UGDH: variants seen among roughly 807,000 people sequenced by gnomAD.
UGDH encodes the protein UDP-glucose 6-dehydrogenase.
A neutral mutation model predicts 50.6 loss-of-function variants in UGDH; 38 were observed. The ratio of observed to expected loss-of-function variants is 0.75; its 90% confidence interval spans 0.58 to 0.98. The LOEUF (loss-of-function observed/expected upper bound fraction) is 0.98. Among genes scored for constraint, UGDH ranks in the 50% least tolerant of loss-of-function variants. The probability of loss-of-function intolerance (pLI) is 0.00; values close to 1 mark genes in which losing one functional copy is unlikely to be tolerated. For missense variants in UGDH, 465 were observed against 606.2 expected, an observed-to-expected ratio of 0.77 and a Z score of 2.45; for synonymous variants, 168 against 199.9, an observed-to-expected ratio of 0.84 and a Z score of 1.35.
chr4:39,510,725 A>C lies in UGDH; in HGVS notation c.401T>G (p.Val134Gly), dbSNP rs1439780087. 2 of 1,614,184 alleles carry C rather than the reference A, an allele frequency of 1.2e-6. No individual in the cohort carries two copies. Among genetic ancestry groups the C allele is most frequent in the East Asian group, 4.5e-5 (2 of 44,894 alleles). Residue 134 changes from valine (V) to glycine (G), a missense_variant, in exon 4 of 12, where the codon GTG becomes GGG. Coordinates refer to ENST00000316423, the MANE Select transcript of UGDH (RefSeq NM_003359.4). ...GCGACGGATACTTTCTGCTGCCCGC[A>C]CTGGAACTGTGCTTTTCTCAGTCAC... ...KIVTEKSTVP[V>G]RAAESIRRIF...
At chr4:39,503,810 C>A in intron 11 of UGDH, 65 bp downstream of exon 11, 1 of 1,391,552 alleles carries the variant, frequency 7.2e-7, no homozygotes, top group East Asian at 2.4e-5. Context: ...TTATAGTCCC[C>A]AGTTGTTGAA....
Position 39,507,157 on chromosome 4 carries a change from C to T in UGDH, c.906+1409G>A, listed in dbSNP as rs117379753. 1.1e-3 allele frequency among the ~76,000 whole-genome samples: 174 copies of T among 152,250 alleles called. 4 individuals carry two copies. In the East Asian group the frequency reaches 0.031, roughly 27 times the overall value. The stretch of plus-strand genomic sequence containing the variant: ...TACTTAATATCTCCATGTCAGTTCC[C>T]TCATCAAATAAAGAGGATAATGTTA... On this transcript the variant is annotated intron_variant, in intron 7 of 11. Transcript: ENST00000316423.
rs908236640 is a variant in UGDH, at chr4:39,510,948, G to C, written c.265-87C>G. The C allele has an allele frequency of 5.3e-6, 7 of 1,328,682 alleles. No homozygotes were observed. The African/African-American group carries it at 8.7e-5, about 16-fold the overall frequency. The allele number at this position is 1,328,682 out of a possible 1,614,324, so 82.3% of individuals were successfully genotyped here. ...CCTGAACTACTGGTTAAAGTGTGGA[G>C]TTAACAATCATCAGTAGCCCTGATT... On this transcript the variant is annotated intron_variant, in intron 3 of 11. Coordinates refer to ENST00000316423, the MANE Select transcript of UGDH (RefSeq NM_003359.4).
chr4:39,518,078 G>A (rs1206631873), intron 2 of UGDH, among the ~76,000 whole-genome samples: 1 of 151,922 alleles, frequency 6.6e-6, no homozygotes, highest in African/African-American at 2.4e-5. Context: ...ATAGGCATGT[G>A]CTACTACACC....
chr4:39,502,781 C>G (rs894341058), intron 11 of UGDH, among the ~76,000 whole-genome samples: 1 of 152,186 alleles, frequency 6.6e-6, no homozygotes, highest in Non-Finnish European at 1.5e-5. Flanking sequence ...GGGTCTTGCT[C>G]TGTCACCCAG....
Position 39,521,452 on chromosome 4 carries a change from T to C in UGDH, c.61A>G (p.Ser21Gly), listed in dbSNP as rs1746658028. ...GAGYVGGPTC[S>G]VIAHMCPEIR... The stretch of plus-strand genomic sequence containing the variant: ...TCAGGACACATATGAGCAATGACAC[T>C]ACATGTGGGTCCTCCAACATAGCCT... The change falls in exon 2 of 12, where the codon AGT becomes GGT. Residue 21 changes from serine to glycine, a missense_variant. Transcript: ENST00000316423. 3 of 1,612,940 alleles carry C rather than the reference T, an allele frequency of 1.9e-6. No homozygotes were observed. The highest frequency in any genetic ancestry group is 2.5e-6 in the Non-Finnish European group (3 of 1,179,458).
intron 2 of UGDH, among the ~76,000 whole-genome samples, chr4:39,515,687 A>T (rs1055040049): frequency 6.6e-6 from 1 of 152,170 alleles, no homozygotes; most frequent in Non-Finnish European, 1.5e-5. Flanking sequence ...GAACTGAACC[A>T]GCAAAATCTA....
Position 39,505,300 on chromosome 4 carries a change from T to C in UGDH, c.1108A>G (p.Lys370Glu), listed in dbSNP as rs1171698535. ...ACAACTATTTGTTCCCTAGGTACTT[T>C]TGGATCATATATATGTAGATGTGCA... ...EGAHLHIYDP[K>E]VPREQIVVDL... is the part of the protein sequence containing the mutation. Residue 370 changes from lysine (K) to glutamate (E), a missense_variant, in exon 9 of 12, where the codon AAA (lysine) becomes GAA (glutamate). Lys to Glu is a moderately conservative substitution (Grantham distance 56). Transcript: ENST00000316423. 5.6e-6 allele frequency: 9 copies of C among 1,604,600 alleles called. No individual in the cohort carries two copies. Among genetic ancestry groups the C allele is most frequent in the Middle Eastern group, 1.6e-4 (1 of 6,072 alleles).
chr4:39,503,969 C>G lies in UGDH; in HGVS notation c.1280G>C (p.Arg427Pro). 3 of 1,613,956 alleles carry G rather than the reference C, an allele frequency of 1.9e-6. No homozygotes were observed. Among genetic ancestry groups the G allele is most frequent in the Non-Finnish European group, 2.5e-6 (3 of 1,179,926 alleles). The change falls in exon 11 of 12, where the codon CGC becomes CCC. Residue 427 changes from arginine (R) to proline (P), a missense_variant. Arg to Pro is a moderately radical substitution (Grantham distance 103). Coordinates refer to ENST00000316423, the MANE Select transcript of UGDH (RefSeq NM_003359.4). ...WDMFKELDYERIHKKMLKPAF... is the reference protein window; with the variant it reads ...WDMFKELDYEPIHKKMLKPAF... ...TGGCTTTAGCATTTTTTTATGAATG[C>G]GTTCATAATCCAATTCCTGTAAAGA...
chr4:39,512,074 G>A (rs1746269381), intron 3 of UGDH, among the ~76,000 whole-genome samples: 1 of 151,688 alleles, frequency 6.6e-6, no homozygotes, highest in African/African-American at 2.4e-5. Context: ...TTTAGTTTTG[G>A]ATTACATGTA....
intron 2 of UGDH, among the ~76,000 whole-genome samples, chr4:39,517,820 G>A (rs1362358279): frequency 6.6e-6 from 1 of 152,128 alleles, no homozygotes; most frequent in Non-Finnish European, 1.5e-5. Flanking sequence ...CACTACTTTT[G>A]TAAGATTTTA....
At chr4:39,525,673 A>AT (rs370930187) in intron 1 of UGDH, among the ~76,000 whole-genome samples, 31,426 of 148,142 alleles carry the variant, frequency 0.21, 5,013 homozygotes, top group African/African-American at 0.44. Flanking sequence ...CGCCCGGCTA[A>AT]TTTTTTTTTG....
chr4:39,500,120 A>T lies in UGDH; in HGVS notation c.*23T>A. ...GAAGTACCAAAAAAAAAAAAAAAAA[A>T]TCACAAATAAAAATGGCAATCTCTA... On this transcript the variant is annotated 3_prime_UTR_variant, in exon 12 of 12. Transcript: ENST00000316423. 7.4e-7 allele frequency: 1 copy of T among 1,349,166 alleles called. No individual in the cohort carries two copies. The highest frequency in any genetic ancestry group is 1.0e-6 in the Non-Finnish European group (1 of 990,714). 83.6% of individuals were successfully genotyped at this position (1,349,166 alleles called of 1,614,324 possible). A position where few individuals can be genotyped will look rare whatever the true frequency, so the allele number is the denominator to read the frequency against.
chr4:39,513,531 CTTTTTT>C (rs10707997), intron 3 of UGDH, among the ~76,000 whole-genome samples: 1 of 88,006 alleles, frequency 1.1e-5, no homozygotes, highest in Admixed American at 1.5e-4. Flanking sequence ...TTTCCTAGTT[CTTTTTT>C]TTTTTTTTTT....
intron 3 of UGDH, among the ~76,000 whole-genome samples, chr4:39,513,534 T>C (rs1449049391): frequency 1.1e-4 from 10 of 89,856 alleles, no homozygotes; most frequent in Non-Finnish European, 1.5e-4. Flanking sequence ...CCTAGTTCTT[T>C]TTTTTTTTTT....
rs1746652567 is a variant in UGDH, at chr4:39,521,343, A to G, written c.162+8T>C. The G allele has an allele frequency of 1.3e-6, 2 of 1,599,966 alleles. No homozygotes were observed. Among genetic ancestry groups the G allele is most frequent in the Non-Finnish European group, 1.7e-6 (2 of 1,174,194 alleles). ...GCATAAAAACAAAGAGATGTTTAAT[A>G]TGTTTACCTCATAAATAGGAAGTGT... On this transcript the variant is annotated splice_region_variant and intron_variant, in intron 2 of 11. Coordinates refer to ENST00000316423, the MANE Select transcript of UGDH (RefSeq NM_003359.4).
At chr4:39,525,935 A>G (rs1326058539) in intron 1 of UGDH, among the ~76,000 whole-genome samples, 1 of 152,234 alleles carries the variant, frequency 6.6e-6, no homozygotes, top group African/African-American at 2.4e-5. Context: ...TGGGAGAGTC[A>G]CAACAAACCA....
Position 39,505,757 on chromosome 4 carries a change from A to G in UGDH, c.907-9T>C, listed in dbSNP as rs1220967108. 1 of 1,602,372 alleles carries G rather than the reference A, an allele frequency of 6.2e-7. No individual in the cohort carries two copies. The highest frequency in any genetic ancestry group is 2.2e-5 in the East Asian group (1 of 44,708). Reference sequence around the variant, plus strand: ...TCATTCATGTCTATGACCTGAAATTACATGTACAATTGTGCAATGATTAGT... The same window carrying G: ...TCATTCATGTCTATGACCTGAAATTGCATGTACAATTGTGCAATGATTAGT... On this transcript the variant is annotated splice_polypyrimidine_tract_variant and intron_variant, in intron 7 of 11. Transcript: ENST00000316423.
At chr4:39,514,686 AT>A (rs201224305) in intron 2 of UGDH, among the ~76,000 whole-genome samples, 9 of 143,016 alleles carry the variant, frequency 6.3e-5, no homozygotes, top group Non-Finnish European at 1.1e-4. Context: ...ATTTTATTTT[AT>A]TTTATTTTTT....
Sources: allele counts gnomAD v4.1 joint callset (sites outside exome capture counted in the v4.1 genomes callset), GRCh38; gene constraint gnomAD v4.1.1; transcripts MANE v1.5; gene names NCBI Gene and HGNC (gene_info 2026-07-23, HGNC 2026-07-21).